SKAP2: variants seen among roughly 807,000 people sequenced by gnomAD.
SKAP2 encodes src kinase-associated phosphoprotein 2.
SKAP2 carries 28 observed loss-of-function variants against 54.9 expected under a neutral mutation model. The ratio of observed to expected loss-of-function variants is 0.51; its 90% CI spans 0.38 to 0.70. SKAP2 has a LOEUF of 0.70. Among genes scored for constraint, SKAP2 ranks in the 30% least tolerant of loss-of-function variants. SKAP2 has a pLI of 0.00. For synonymous variants in SKAP2, 137 were observed against 134.3 expected (o/e 1.02, Z -0.14); for missense variants, 356 against 424.1 (o/e 0.84, Z 1.41).
chr7:26,688,007 T>C (rs1454025546), intron 10 of SKAP2, among the ~76,000 whole-genome samples: 1 of 151,896 alleles, frequency 6.6e-6, no homozygotes, highest in Non-Finnish European at 1.5e-5. Context: ...AAGAAAAAAA[T>C]TAATTAGCCA....
chr7:26,823,634 T>A (rs113940036), intron 4 of SKAP2, among the ~76,000 whole-genome samples: 1 of 151,880 alleles, frequency 6.6e-6, no homozygotes, highest in Non-Finnish European at 1.5e-5. Flanking sequence ...CTAGCAGAGG[T>A]TGGTTCATGA....
intron 9 of SKAP2, among the ~76,000 whole-genome samples, chr7:26,716,759 A>C (rs1189272254): frequency 6.6e-6 from 1 of 152,188 alleles, no homozygotes; most frequent in Non-Finnish European, 1.5e-5. Flanking sequence ...CTAAAATTTT[A>C]ACATACATTT....
At chr7:26,763,534 A>G (rs932540248) in intron 4 of SKAP2, among the ~76,000 whole-genome samples, 2 of 152,094 alleles carry the variant, frequency 1.3e-5, no homozygotes, top group African/African-American at 4.8e-5. Flanking sequence ...TTTTCACTTT[A>G]TAGATAATAA....
chr7:26,704,523 C>T lies in SKAP2; in HGVS notation c.797-14161G>A, dbSNP rs371730701. Among the ~76,000 whole-genome samples, 35 of 152,322 alleles carry T rather than the reference C, an allele frequency of 2.3e-4. No homozygotes were observed. The South Asian group carries it at 2.5e-3, about 11-fold the overall frequency. Reference sequence around the variant, plus strand: ...GGCACTCTCAAAATATGAATTTCCACGTACCTATGAGTGGCTGTGCACAGA... The same window carrying T: ...GGCACTCTCAAAATATGAATTTCCATGTACCTATGAGTGGCTGTGCACAGA... On this transcript the variant is annotated intron_variant, in intron 9 of 12. Transcript: ENST00000345317.
chr7:26,718,750 C>T (rs1439689311), intron 9 of SKAP2, among the ~76,000 whole-genome samples: 1 of 152,158 alleles, frequency 6.6e-6, no homozygotes, highest in African/African-American at 2.4e-5. Context: ...GTGATCTGCC[C>T]ACCTCGGCCT....
intron 6 of SKAP2, among the ~76,000 whole-genome samples, chr7:26,730,104 G>T (rs1787791389): frequency 6.6e-6 from 1 of 152,130 alleles, no homozygotes; most frequent in Admixed American, 6.6e-5. Flanking sequence ...GCCAATACAG[G>T]ACAGGAAGTT....
At chr7:26,804,738 C>CA (rs11306463) in intron 4 of SKAP2, among the ~76,000 whole-genome samples, 2,733 of 87,188 alleles carry the variant, frequency 0.031, 33 homozygotes, top group Middle Eastern at 0.091. Context: ...GACCCCGTCT[C>CA]AAAAAAAAAA....
At chr7:26,818,127 C>T (rs1428381103) in intron 4 of SKAP2, among the ~76,000 whole-genome samples, 1 of 152,074 alleles carries the variant, frequency 6.6e-6, no homozygotes. Flanking sequence ...CCCGTATAGC[C>T]AAGATGACCC....
intron 6 of SKAP2, among the ~76,000 whole-genome samples, chr7:26,736,890 C>T (rs1274113727): frequency 6.6e-6 from 1 of 151,202 alleles, no homozygotes; most frequent in East Asian, 1.9e-4. Context: ...GTGAGGCCCC[C>T]GCATCTCTAA....
intron 4 of SKAP2, among the ~76,000 whole-genome samples, chr7:26,768,165 G>A (rs983339051): frequency 6.6e-6 from 1 of 152,098 alleles, no homozygotes; most frequent in African/African-American, 2.4e-5. Flanking sequence ...TATATATTTA[G>A]GATAGTTAGC....
intron 11 of SKAP2, among the ~76,000 whole-genome samples, chr7:26,671,645 G>A (rs1281109945): frequency 6.6e-6 from 1 of 151,974 alleles, no homozygotes; most frequent in Non-Finnish European, 1.5e-5. Context: ...TTATTCTATT[G>A]AGGGCACAGC....
chr7:26,685,106 T>C (rs1786601346), intron 10 of SKAP2, among the ~76,000 whole-genome samples: 1 of 152,192 alleles, frequency 6.6e-6, no homozygotes, highest in Non-Finnish European at 1.5e-5. Flanking sequence ...GTAATTGCTA[T>C]ATGCTGTCAT....
chr7:26,839,018 C>T (rs990522422), intron 4 of SKAP2, among the ~76,000 whole-genome samples: 19 of 152,190 alleles, frequency 1.2e-4, no homozygotes, highest in African/African-American at 4.6e-4. Flanking sequence ...ATTAAAGATG[C>T]ATTATTTTTC....
chr7:26,738,918 T>A lies in SKAP2; in HGVS notation c.386-40A>T, dbSNP rs375281253. 3.1e-4 allele frequency: 367 copies of A among 1,174,414 alleles called. 1 individual carries two copies. Among genetic ancestry groups the A allele is most frequent in the Non-Finnish European group, 3.8e-4 (301 of 782,614 alleles). The allele number at this position is 1,174,414 out of a possible 1,614,324, so 72.7% of individuals were successfully genotyped here. ...GGAAAATGTAAGGCCATTTCCTTAC[T>A]GTAAAAGAAAAAGTTAATTAATATG... On this transcript the variant is annotated intron_variant, in intron 5 of 12. Coordinates refer to ENST00000345317, the MANE Select transcript of SKAP2 (RefSeq NM_003930.5).
chr7:26,723,870 T>C (rs1787636696), intron 9 of SKAP2, among the ~76,000 whole-genome samples: 1 of 152,184 alleles, frequency 6.6e-6, no homozygotes, highest in Admixed American at 6.5e-5. Flanking sequence ...TTTATGAGTA[T>C]ACATTCTCAC....
At chr7:26,833,771 C>T (rs192934922) in intron 4 of SKAP2, among the ~76,000 whole-genome samples, 12 of 151,472 alleles carry the variant, frequency 7.9e-5, no homozygotes, top group Middle Eastern at 3.4e-3. Context: ...ACAATGATAC[C>T]GGTCAATATT....
intron 4 of SKAP2, among the ~76,000 whole-genome samples, chr7:26,802,260 G>GTT (rs34277928): frequency 6.2e-5 from 8 of 129,434 alleles, no homozygotes; most frequent in African/African-American, 8.7e-5. Context: ...AGAAAAGACA[G>GTT]TTTTTTTTTT....
chr7:26,864,443 G>A lies in SKAP2; in HGVS notation c.-14C>T, dbSNP rs1472655668. Reference sequence around the variant, plus strand: ...GGGGTTGGGCATGTTAGGGAGCGCAGGGCGTGCGGGGAAAGGACCTGCGCT... The same window carrying A: ...GGGGTTGGGCATGTTAGGGAGCGCAAGGCGTGCGGGGAAAGGACCTGCGCT... On this transcript the variant is annotated 5_prime_UTR_variant, in exon 1 of 13. Transcript: ENST00000345317. 2 of 1,595,778 alleles carry A rather than the reference G, an allele frequency of 1.3e-6. No individual in the cohort carries two copies. The highest frequency in any genetic ancestry group is 1.3e-5 in the African/African-American group (1 of 74,222).
At chr7:26,728,126 T>C (rs1787747135) in intron 6 of SKAP2, among the ~76,000 whole-genome samples, 1 of 152,138 alleles carries the variant, frequency 6.6e-6, no homozygotes, top group African/African-American at 2.4e-5. Flanking sequence ...TCACATTTAG[T>C]CATAATTTAC....
Sources: allele counts gnomAD v4.1 joint callset (sites outside exome capture counted in the v4.1 genomes callset), GRCh38; gene constraint gnomAD v4.1.1; transcripts MANE v1.5; gene names NCBI Gene and HGNC (gene_info 2026-07-23, HGNC 2026-07-21).